The following CD274 variants were observed in gnomAD, a reference collection of about 807,000 sequenced individuals.
CD274 encodes programmed cell death 1 ligand 1.
CD274 carries 8 observed loss-of-function variants against 30.1 expected under a neutral mutation model. The ratio of observed to expected loss-of-function variants is 0.27; its 90% CI spans 0.16 to 0.48. The LOEUF is 0.48. CD274 is among the 20% of genes least tolerant of loss of function. The pLI is 0.99. For synonymous variants in CD274, 152 were observed against 124.6 expected (o/e 1.22, Z -1.46); for missense variants, 353 against 346.6 (o/e 1.02, Z -0.15).
At chr9:5,455,054 C>T (rs1266711484) in intron 1 of CD274, among the ~76,000 whole-genome samples, 2 of 152,016 alleles carry the variant, frequency 1.3e-5, no homozygotes, top group South Asian at 2.1e-4. Flanking sequence ...AATCTCCTGT[C>T]TTATATATAC....
chr9:5,468,287 G>A lies in CD274; in HGVS notation c.*425G>A. ...CTGCATGACTGAGAGTCTCAGTGTT[G>A]GAACGGGACAGTATTTATGTATGAG... On this transcript the variant is annotated 3_prime_UTR_variant, in exon 7 of 7. Transcript: ENST00000381577. The A allele has an allele frequency of 3.8e-6, 1 of 264,484 alleles. No individual in the cohort carries two copies. Among genetic ancestry groups the A allele is most frequent in the Non-Finnish European group, 7.2e-6 (1 of 138,688 alleles). 16.4% of individuals were successfully genotyped at this position (264,484 alleles called of 1,614,324 possible).
intron 4 of CD274, 43 bp downstream of exon 4, chr9:5,463,164 C>T (rs1316993404): frequency 3.5e-6 from 5 of 1,444,288 alleles, no homozygotes; most frequent in African/African-American, 1.4e-5. Context: ...CTAACACTGT[C>T]CCCTAGCACC....
chr9:5,459,356 C>T (rs961965498), intron 3 of CD274, among the ~76,000 whole-genome samples: 2 of 152,188 alleles, frequency 1.3e-5, no homozygotes, highest in African/African-American at 4.8e-5. Context: ...ACCTTCTGCA[C>T]TTAGAACAAG....
chr9:5,467,841 T>A lies in CD274; in HGVS notation c.852T>A (p.Asp284Glu), dbSNP rs2131235530. 1 of 1,608,966 alleles carries A rather than the reference T, an allele frequency of 6.2e-7. No individual in the cohort carries two copies. Among genetic ancestry groups the A allele is most frequent in the South Asian group, 1.1e-5 (1 of 90,958 alleles). Reference protein sequence around the residue: ...IQDTNSKKQSDTHLEET With the variant: ...IQDTNSKKQSETHLEET Reference sequence around the variant, plus strand: ...TAATATACTATTATCACTCTCCAGATACACATTTGGAGGAGACGTAATCCA... The same window carrying A: ...TAATATACTATTATCACTCTCCAGAAACACATTTGGAGGAGACGTAATCCA... Residue 284 changes from aspartate (D) to glutamate (E), a missense_variant and splice_region_variant, in exon 7 of 7, where the codon GAT (aspartate) becomes GAA (glutamate). Physicochemically the swap from Asp to Glu is conservative, Grantham distance 45 (BLOSUM62 2). Coordinates refer to ENST00000381577, the MANE Select transcript of CD274 (RefSeq NM_014143.4).
intron 3 of CD274, among the ~76,000 whole-genome samples, chr9:5,459,172 C>T (rs903151312): frequency 6.6e-6 from 1 of 152,114 alleles, no homozygotes; most frequent in Non-Finnish European, 1.5e-5. Flanking sequence ...ATGGTTTTTC[C>T]AAGGGGGAGT....
At chr9:5,460,883 A>G (rs1185821883) in intron 3 of CD274, among the ~76,000 whole-genome samples, 2 of 152,218 alleles carry the variant, frequency 1.3e-5, no homozygotes, top group African/African-American at 2.4e-5. Flanking sequence ...TTCTGTTAAT[A>G]TATAAGTTGT....
intron 2 of CD274, 152 bp downstream of exon 2, chr9:5,456,317 T>G: frequency 1.7e-6 from 1 of 580,980 alleles, no homozygotes; most frequent in South Asian, 2.3e-5. Flanking sequence ...AAGTCTTCTT[T>G]CTACTTTACG....
intron 4 of CD274, 21 bp downstream of exon 4, chr9:5,463,142 A>C (rs1457187448): frequency 1.2e-6 from 2 of 1,600,752 alleles, no homozygotes; most frequent in Non-Finnish European, 1.7e-6. Flanking sequence ...GAATGTGTCC[A>C]TTAAAATATG....
At chr9:5,462,765 A>G in intron 3 of CD274, 69 bp from the exon 4 acceptor site, 1 of 1,408,794 alleles carries the variant, frequency 7.1e-7, no homozygotes, top group Non-Finnish European at 9.8e-7. Context: ...TCTAATGTGG[A>G]CAGCATCAAG....
chr9:5,458,517 T>C (rs2131215205), intron 3 of CD274, among the ~76,000 whole-genome samples: 1 of 152,360 alleles, frequency 6.6e-6, no homozygotes, highest in South Asian at 2.1e-4. Context: ...CCCTTGGTCT[T>C]TCCATTCCTG....
rs1819561466 is a variant in CD274, at chr9:5,469,860, T to C, written c.*1998T>C. ...ATTAACTCTGTATGACAGAATCATGTCTGGAACTTTTGTTTTCTGCTTTCT... is the reference window on the plus strand; with the variant it reads ...ATTAACTCTGTATGACAGAATCATGCCTGGAACTTTTGTTTTCTGCTTTCT... On this transcript the variant is annotated 3_prime_UTR_variant, in exon 7 of 7. Transcript: ENST00000381577. The C allele has an allele frequency of 4.3e-6, 1 of 233,040 alleles. No individual in the cohort carries two copies. The highest frequency in any genetic ancestry group is 2.2e-5 in the African/African-American group (1 of 45,340). The allele number at this position is 233,040 out of a possible 1,614,324, so 14.4% of individuals were successfully genotyped here. A position where few individuals can be genotyped will look rare whatever the true frequency, so the allele number is the denominator to read the frequency against.
At chr9:5,450,727 T>C (rs1283658891) in intron 1 of CD274, 131 bp downstream of exon 1, 1 of 152,232 alleles carries the variant, frequency 6.6e-6, no homozygotes, top group East Asian at 1.9e-4. Flanking sequence ...GGGAACGCGA[T>C]GGTCTAGGGG....
In CD274 at chr9:5,469,380, C is replaced by T. The variant is rs1187282170; in HGVS notation, c.*1518C>T. The T allele has an allele frequency of 8.6e-6, 2 of 232,474 alleles. No homozygotes were observed. Among genetic ancestry groups the T allele is most frequent in the Non-Finnish European group, 1.7e-5 (2 of 117,660 alleles). 14.4% of individuals were successfully genotyped at this position (232,474 alleles called of 1,614,324 possible). On this transcript the variant is annotated 3_prime_UTR_variant, in exon 7 of 7. Coordinates refer to ENST00000381577, the MANE Select transcript of CD274 (RefSeq NM_014143.4). ...GATGGTTGGAAAATCTCCACTTCAT[C>T]CTCCAAGCCATTCAAGTTTCCTTTC...
In CD274 at chr9:5,469,010, A is replaced by G. The variant is rs1334748304; in HGVS notation, c.*1148A>G. 2 of 233,046 alleles carry G rather than the reference A, an allele frequency of 8.6e-6. No homozygotes were observed. The highest frequency in any genetic ancestry group is 6.0e-5 in the East Asian group (1 of 16,590). 14.4% of individuals were successfully genotyped at this position (233,046 alleles called of 1,614,324 possible). ...AAAATGTATTATTACAATTTAGTCC[A>G]GTGTCATAGCATAAGGATGATGCGA... On this transcript the variant is annotated 3_prime_UTR_variant, in exon 7 of 7. Coordinates refer to ENST00000381577, the MANE Select transcript of CD274 (RefSeq NM_014143.4).
chr9:5,459,282 C>G lies in CD274; in HGVS notation c.394+1862C>G, dbSNP rs1023109057. ...AATTACTTAATTGGCATTCTACTCCCAATCCATCTTGTCATTTGCATACAG... is the reference window on the plus strand; with the variant it reads ...AATTACTTAATTGGCATTCTACTCCGAATCCATCTTGTCATTTGCATACAG... On this transcript the variant is annotated intron_variant, in intron 3 of 6. Transcript: ENST00000381577. Among the ~76,000 whole-genome samples, 10 of 152,300 alleles carry G rather than the reference C, an allele frequency of 6.6e-5. 1 individual carries two copies. In the South Asian group the frequency reaches 2.1e-3, roughly 32 times the overall value.
At chr9:5,466,277 C>T (rs1437227239) in intron 5 of CD274, among the ~76,000 whole-genome samples, 2 of 152,112 alleles carry the variant, frequency 1.3e-5, no homozygotes, top group African/African-American at 4.8e-5. Flanking sequence ...TAACCCCTTA[C>T]ATGGGGGAAA....
chr9:5,461,168 G>A lies in CD274; in HGVS notation c.395-1666G>A, dbSNP rs932741723. Among the ~76,000 whole-genome samples, 10 of 152,056 alleles carry A rather than the reference G, an allele frequency of 6.6e-5. No individual in the cohort carries two copies. The East Asian group carries it at 1.2e-3, about 18-fold the overall frequency. On this transcript the variant is annotated intron_variant, in intron 3 of 6. Transcript: ENST00000381577. ...TTTGTGTTTTTTTATATAACACTGC[G>A]AGGTCTAATTAAGTACTTACTGTTT...
rs1819569505 is a variant in CD274 at position 5,470,342 on chromosome 9, G to T, written c.*2480G>T. The T allele has an allele frequency of 1.3e-5, 3 of 232,430 alleles. No homozygotes were observed. The Admixed American group carries it at 1.7e-4, about 13-fold the overall frequency. The allele number at this position is 232,430 out of a possible 1,614,324, so 14.4% of individuals were successfully genotyped here. On this transcript the variant is annotated 3_prime_UTR_variant, in exon 7 of 7. Transcript: ENST00000381577. ...TCCTAAGTCCTAACTCCTCCTTGTG[G>T]TGTTGGATTTGTAAGGCACTTTATC...
intron 1 of CD274, among the ~76,000 whole-genome samples, chr9:5,453,322 A>G (rs915983665): frequency 6.6e-6 from 1 of 152,244 alleles, no homozygotes. Flanking sequence ...AGATCTTTCA[A>G]ATTAGCAAAA....
Sources: gnomAD v4.1 joint callset for allele counts (sites outside exome capture counted in the v4.1 genomes callset) on GRCh38, gnomAD v4.1.1 for gene constraint, MANE v1.5 for transcripts, NCBI Gene and HGNC (gene_info 2026-07-23, HGNC 2026-07-21) for gene names.